The following C7 variants were observed in gnomAD, a reference collection of about 807,000 sequenced individuals.
C7 encodes complement component C7.
Under a neutral mutation model 104.8 loss-of-function variants are expected in C7, and 83 were observed. The observed-to-expected ratio is 0.79, with a 90% CI of 0.66 to 0.95. The LOEUF (loss-of-function observed/expected upper bound fraction) is 0.95. C7 is among the 40% of genes least tolerant of loss of function. The pLI is 0.00. For missense variants in C7, 1,070 were observed against 1,011.2 expected, an observed-to-expected ratio of 1.06 and a Z score of -0.79; for synonymous variants, 415 against 360.6, an observed-to-expected ratio of 1.15 and a Z score of -1.71.
intron 2 of C7, among the ~76,000 whole-genome samples, chr5:40,930,752 G>T (rs1739665023): frequency 6.6e-6 from 1 of 151,734 alleles, no homozygotes; most frequent in East Asian, 1.9e-4. Context: ...TTTTAGTAGA[G>T]ACAGGGTTTC....
intron 4 of C7, among the ~76,000 whole-genome samples, chr5:40,934,878 C>T (rs529290969): frequency 7.8e-4 from 119 of 152,292 alleles, no homozygotes; most frequent in African/African-American, 2.7e-3. Context: ...CAGTTCTCTC[C>T]TATGCATGGG....
chr5:40,946,363 T>TC (rs148348860), intron 7 of C7, among the ~76,000 whole-genome samples: 1,595 of 152,318 alleles, frequency 0.01, 28 homozygotes, highest in African/African-American at 0.037. Flanking sequence ...TTTCATCACA[T>TC]CTTAAAGTTA....
At chr5:40,928,769 A>G in intron 2 of C7, 134 bp downstream of exon 2, 1 of 530,708 alleles carries the variant, frequency 1.9e-6, no homozygotes, top group Non-Finnish European at 3.3e-6. Context: ...ATATTTTTAT[A>G]AAAGACAATG....
intron 16 of C7, among the ~76,000 whole-genome samples, chr5:40,977,205 T>C (rs947051338): frequency 5.3e-5 from 8 of 152,322 alleles, no homozygotes; most frequent in African/African-American, 1.4e-4. Context: ...GCAATACTGA[T>C]AGGGAAACAG....
intron 9 of C7, among the ~76,000 whole-genome samples, chr5:40,953,639 C>CA (rs397961480): frequency 0.03 from 3,159 of 104,084 alleles, 206 homozygotes; most frequent in African/African-American, 0.094. Flanking sequence ...GACTCTGTCT[C>CA]AAAAAAAAAA....
intron 17 of C7, 193 bp downstream of exon 17, chr5:40,980,102 G>A (rs1197946995): frequency 7.4e-6 from 3 of 406,690 alleles, no homozygotes; most frequent in Non-Finnish European, 1.3e-5. Context: ...AGACCTCAGA[G>A]GATAAGATTC....
At position 40,934,386 on chromosome 5, in the gene C7, C is replaced by T; in HGVS notation, c.200C>T (p.Ala67Val). 6.2e-7 allele frequency: 1 copy of T among 1,613,664 alleles called. No individual in the cohort carries two copies. The highest frequency in any genetic ancestry group is 8.5e-7 in the Non-Finnish European group (1 of 1,179,678). The change falls in exon 4 of 18, where the codon GCT (alanine) becomes GTT (valine). Residue 67 changes from alanine to valine, a missense_variant. By Grantham distance (64) the Ala-to-Val change is moderately conservative. Transcript: ENST00000313164. ...GGAGGCCAGCCTTGTGTTGGAAATG[C>T]TTTTGAAACACAGTCCTGTGAACCT... ...QYGGQPCVGN[A>V]FETQSCEPTR...
At chr5:40,940,162 G>T (rs977588742) in intron 6 of C7, among the ~76,000 whole-genome samples, 43 of 152,146 alleles carry the variant, frequency 2.8e-4, no homozygotes, top group African/African-American at 9.9e-4. Flanking sequence ...TTGGCTTATT[G>T]GAACATAAAT....
intron 7 of C7, among the ~76,000 whole-genome samples, chr5:40,945,794 G>A (rs1275484260): frequency 6.7e-6 from 1 of 149,466 alleles, no homozygotes; most frequent in African/African-American, 2.4e-5. Flanking sequence ...AGCCTTGGAG[G>A]GAGAGGATGC....
At chr5:40,931,287 CTTG>C in intron 3 of C7, 148 bp downstream of exon 3, 1 of 633,176 alleles carries the variant, frequency 1.6e-6, no homozygotes, top group Non-Finnish European at 2.8e-6. Context: ...AAAAGTATGA[CTTG>C]TTTAATAATT....
At chr5:40,971,079 A>G in intron 14 of C7, among the ~76,000 whole-genome samples, 1 of 152,226 alleles carries the variant, frequency 6.6e-6, no homozygotes, top group Non-Finnish European at 1.5e-5. Flanking sequence ...AGAATGATTT[A>G]TAACCCTTTG....
At chr5:40,927,100 A>G (rs951683126) in intron 1 of C7, among the ~76,000 whole-genome samples, 6 of 152,074 alleles carry the variant, frequency 3.9e-5, no homozygotes, top group African/African-American at 1.4e-4. Flanking sequence ...CCCCACATAT[A>G]TGGTCGATTG....
chr5:40,978,759 T>A, intron 16 of C7, among the ~76,000 whole-genome samples: 1 of 152,112 alleles, frequency 6.6e-6, no homozygotes, highest in East Asian at 1.9e-4. Context: ...ATGCCCTCCT[T>A]GTCTATCAGC....
intron 1 of C7, among the ~76,000 whole-genome samples, chr5:40,927,961 A>G (rs574777535): frequency 1.8e-4 from 28 of 152,284 alleles, no homozygotes; most frequent in African/African-American, 6.5e-4. Flanking sequence ...ACAAAAGTAA[A>G]TGTTCATTTT....
chr5:40,968,771 C>T (rs1740628099), intron 14 of C7, among the ~76,000 whole-genome samples: 1 of 150,780 alleles, frequency 6.6e-6, no homozygotes, highest in Non-Finnish European at 1.5e-5. Flanking sequence ...GCCACAGTGC[C>T]CAGCTAATTT....
chr5:40,962,220 T>C, intron 13 of C7, 48 bp downstream of exon 13: 5 of 1,114,534 alleles, frequency 4.5e-6, no homozygotes, highest in Non-Finnish European at 5.2e-6. Flanking sequence ...CTAACTTCTA[T>C]CTCTCTGCTG....
At chr5:40,941,987 GA>G (rs1252834570) in intron 6 of C7, among the ~76,000 whole-genome samples, 6 of 152,048 alleles carry the variant, frequency 3.9e-5, no homozygotes, top group Admixed American at 3.9e-4. Context: ...CAGCCAGAGA[GA>G]AAAAAAGAAA....
At chr5:40,955,345 C>T (rs368952630) in intron 9 of C7, 42 bp from the exon 10 acceptor site, 14 of 1,546,794 alleles carry the variant, frequency 9.1e-6, no homozygotes, top group South Asian at 1.3e-5. Flanking sequence ...TTTTTAAATA[C>T]TTGATAGACT....
chr5:40,969,870 T>C (rs1019719692), intron 14 of C7, among the ~76,000 whole-genome samples: 2 of 152,148 alleles, frequency 1.3e-5, no homozygotes, highest in Non-Finnish European at 2.9e-5. Flanking sequence ...AATCTTGGAC[T>C]TTCAAACTTG....
Sources: gnomAD v4.1 joint callset for allele counts (sites outside exome capture counted in the v4.1 genomes callset) on GRCh38, gnomAD v4.1.1 for gene constraint, MANE v1.5 for transcripts, NCBI Gene and HGNC (gene_info 2026-07-23, HGNC 2026-07-21) for gene names.